The following CACNA1D variants were observed in gnomAD, a reference collection of about 807,000 sequenced individuals.
CACNA1D encodes the protein voltage-dependent L-type calcium channel subunit alpha-1D.
Under a neutral mutation model 257.1 loss-of-function variants are expected in CACNA1D, and 55 were observed. That is an observed-to-expected ratio of 0.21 (90% confidence interval 0.17 to 0.27). The LOEUF (loss-of-function observed/expected upper bound fraction) is 0.27. Ranked by LOEUF, CACNA1D falls within the 10% of genes least tolerant of loss-of-function variation. The pLI, the probability that CACNA1D is intolerant of heterozygous loss-of-function variation, is 1.00. For missense variants in CACNA1D, 1,876 were observed against 2,784.0 expected (o/e 0.67, Z 7.34); for synonymous variants, 980 against 1,014.9 (o/e 0.97, Z 0.65).
intron 11 of CACNA1D, among the ~76,000 whole-genome samples, chr3:53,720,764 C>A (rs1201306393): frequency 6.6e-6 from 1 of 152,138 alleles, no homozygotes; most frequent in African/African-American, 2.4e-5. Flanking sequence ...GACAAGGATG[C>A]TGATTGGTGG....
intron 3 of CACNA1D, among the ~76,000 whole-genome samples, chr3:53,505,214 C>T (rs35280126): frequency 0.34 from 50,198 of 147,280 alleles, 8,705 homozygotes; most frequent in Admixed American, 0.44. Flanking sequence ...GTTCATACCT[C>T]TCTCCTGCCT....
intron 10 of CACNA1D, 116 bp from the exon 11 acceptor site, chr3:53,719,639 G>C (rs1400371463): frequency 2.2e-6 from 2 of 923,944 alleles, no homozygotes; most frequent in Non-Finnish European, 3.6e-6. Context: ...GTGGTAACCA[G>C]GGGTGCTAAG....
chr3:53,510,310 G>A (rs55937644), intron 3 of CACNA1D, among the ~76,000 whole-genome samples: 3,820 of 152,144 alleles, frequency 0.025, 61 homozygotes, highest in Middle Eastern at 0.085. Context: ...TTTAAATTTC[G>A]TGCAAGTGGG....
intron 1 of CACNA1D, among the ~76,000 whole-genome samples, chr3:53,496,282 A>G (rs1357754062): frequency 6.6e-6 from 1 of 152,192 alleles, no homozygotes; most frequent in Non-Finnish European, 1.5e-5. Context: ...GGGGCTTCGC[A>G]TAGGGAGCCT....
chr3:53,538,156 T>G (rs1452791047), intron 3 of CACNA1D, among the ~76,000 whole-genome samples: 2 of 143,878 alleles, frequency 1.4e-5, no homozygotes, highest in African/African-American at 2.7e-5. Context: ...TTTTTTTTTT[T>G]TTTTTTTTTT....
chr3:53,644,427 CT>C (rs2093997647), intron 3 of CACNA1D, among the ~76,000 whole-genome samples: 1 of 152,198 alleles, frequency 6.6e-6, no homozygotes, highest in Non-Finnish European at 1.5e-5. Flanking sequence ...CTCTTTCTAG[CT>C]TTTGTATACT....
rs766761396 is a variant in CACNA1D, at chr3:53,811,208, C to T, written c.6288C>T (p.Ile2096=). 10 of 1,614,092 alleles carry T rather than the reference C, an allele frequency of 6.2e-6. No homozygotes were observed. The highest frequency in any genetic ancestry group is 4.4e-5 in the South Asian group (4 of 91,086). ...HEIADACDLT[I]DEMESAASTL... The stretch of plus-strand genomic sequence containing the variant: ...TCGCTGATGCCTGTGACCTCACCAT[C>T]GACGAGATGGAGAGTGCAGCCAGCA... Residue 2096 remains isoleucine (I), a synonymous_variant, in exon 48 of 48, where the codon ATC becomes ATT. Coordinates refer to ENST00000350061, the MANE Select transcript of CACNA1D (RefSeq NM_001128840.3). The surrounding 1 kb of genome is among the most constrained non-coding windows in gnomAD (Gnocchi z 4.2).
intron 3 of CACNA1D, among the ~76,000 whole-genome samples, chr3:53,565,360 A>G (rs958943080): frequency 3.3e-5 from 5 of 152,172 alleles, no homozygotes; most frequent in Non-Finnish European, 5.9e-5. Context: ...ACACACATGC[A>G]TACACACATT....
rs112541981 is a variant in CACNA1D, at chr3:53,570,921, A to G, written c.483+69201A>G. ...TGAGTCACACTGTGCCTCATGATGC[A>G]GTGTGCAGAACTGGTCCAGCCAGGG... On this transcript the variant is annotated intron_variant, in intron 3 of 47. Coordinates refer to ENST00000350061, the MANE Select transcript of CACNA1D (RefSeq NM_001128840.3). Among the ~76,000 whole-genome samples, 821 of 152,370 alleles carry G rather than the reference A, an allele frequency of 5.4e-3. 7 individuals are homozygous for G. Among genetic ancestry groups the G allele is most frequent in the African/African-American group, 0.019 (786 of 41,592 alleles).
chr3:53,670,273 C>T (rs2094309991), intron 7 of CACNA1D, among the ~76,000 whole-genome samples: 1 of 152,194 alleles, frequency 6.6e-6, no homozygotes, highest in African/African-American at 2.4e-5. Context: ...GAAGTGTTTT[C>T]AGCAGCTAGA....
At chr3:53,798,159 T>G (rs781648625) in intron 40 of CACNA1D, 2 of 152,232 alleles carry the variant, frequency 1.3e-5, no homozygotes, top group Non-Finnish European at 2.9e-5. Flanking sequence ...CTGTGCTGTG[T>G]AAGAGCTTTT....
chr3:53,788,389 A>G lies in CACNA1D; in HGVS notation c.4923+1437A>G, dbSNP rs186959960. On this transcript the variant is annotated intron_variant, in intron 40 of 47. Coordinates refer to ENST00000350061, the MANE Select transcript of CACNA1D (RefSeq NM_001128840.3). Reference sequence around the variant, plus strand: ...AATCACAGGCTCAGTCACACAGCCCATTGGCATCTCAGGTGGTAGGATTTG... The same window carrying G: ...AATCACAGGCTCAGTCACACAGCCCGTTGGCATCTCAGGTGGTAGGATTTG... 1.9e-3 allele frequency among the ~76,000 whole-genome samples: 294 copies of G among 152,346 alleles called. 2 individuals carry two copies. Among genetic ancestry groups the G allele is most frequent in the Non-Finnish European group, 2.4e-4 (16 of 68,028 alleles).
intron 8 of CACNA1D, among the ~76,000 whole-genome samples, chr3:53,674,393 T>C (rs1576312109): frequency 6.6e-6 from 1 of 152,362 alleles, no homozygotes; most frequent in East Asian, 1.9e-4. Context: ...TGATTCAGTT[T>C]TAACCGAAAC....
chr3:53,738,334 C>G (rs1280459639), intron 20 of CACNA1D, among the ~76,000 whole-genome samples: 2 of 152,140 alleles, frequency 1.3e-5, no homozygotes, highest in East Asian at 3.9e-4. Flanking sequence ...AGTGCTTTCC[C>G]CATGGTGCGT....
At chr3:53,794,210 C>T (rs952658699) in intron 40 of CACNA1D, among the ~76,000 whole-genome samples, 2 of 152,156 alleles carry the variant, frequency 1.3e-5, no homozygotes, top group South Asian at 2.1e-4. Context: ...TGGTAATTAT[C>T]GTGGCTTGTT....
chr3:53,565,435 A>G (rs1478985326), intron 3 of CACNA1D, among the ~76,000 whole-genome samples: 1 of 152,210 alleles, frequency 6.6e-6, no homozygotes, highest in African/African-American at 2.4e-5. Flanking sequence ...TTTAGCAGAT[A>G]TAATTTCATT....
chr3:53,810,271 G>T lies in CACNA1D; in HGVS notation c.6165G>T (p.Gln2055His), dbSNP rs1465966467. 1.9e-6 allele frequency: 3 copies of T among 1,613,694 alleles called. No homozygotes were observed. The Admixed American group carries it at 5.0e-5, about 27-fold the overall frequency. Residue 2055 changes from glutamine to histidine, a missense_variant, in exon 47 of 48, where the codon CAG (glutamine) becomes CAT (histidine). This residue lies in a region of CACNA1D where 491 missense variants were observed against 554.3 expected (regional missense o/e 0.89). Coordinates refer to ENST00000350061, the MANE Select transcript of CACNA1D (RefSeq NM_001128840.3). The part of the protein sequence containing the change: ...SSFRNKNSDK[Q>H]RSADSLVEAV... Reference sequence around the variant, plus strand: ...TCCGGAACAAAAACAGCGACAAGCAGAGGAGTGCGGACAGCTTGGTGGAGG... The same window carrying T: ...TCCGGAACAAAAACAGCGACAAGCATAGGAGTGCGGACAGCTTGGTGGAGG...
rs1576672435 is a variant in CACNA1D, at chr3:53,789,289, G to A, written c.4923+2337G>A. ...AGAATGCAGCCTGGAAAATTAAGTT[G>A]TGTTCATAATCTTAATAGAGAAACT... is the stretch of plus-strand genomic sequence containing the variant. On this transcript the variant is annotated intron_variant, in intron 40 of 47. Coordinates refer to ENST00000350061, the MANE Select transcript of CACNA1D (RefSeq NM_001128840.3). The surrounding 1 kb of genome is among the most constrained non-coding windows in gnomAD (Gnocchi z 4.2). 6.6e-6 allele frequency among the ~76,000 whole-genome samples: 1 copy of A among 152,194 alleles called. No individual in the cohort carries two copies. The highest frequency in any genetic ancestry group is 6.5e-5 in the Admixed American group (1 of 15,284).
At position 53,713,502 on chromosome 3, in the gene CACNA1D, ATGTG is replaced by A. The variant is rs35655186; in HGVS notation, c.1391-4760_1391-4757del. Among the ~76,000 whole-genome samples the A allele has an allele frequency of 7.2e-3, 937 of 129,372 alleles. 11 individuals carry two copies. The highest frequency in any genetic ancestry group is 0.015 in the Middle Eastern group (4 of 272). The allele number at this position is 129,372 out of a possible 152,430, so 84.9% of individuals were successfully genotyped here. A position where few individuals can be genotyped will look rare whatever the true frequency, so the allele number is the denominator to read the frequency against. ...ACATAGACTCATTTGCTCTGTGTGT[ATGTG>A]TGTGTGTGTGTGTGTGTGTGTGTGT... On this transcript the variant is annotated intron_variant, in intron 9 of 47. Coordinates refer to ENST00000350061, the MANE Select transcript of CACNA1D (RefSeq NM_001128840.3).
Sources: allele counts gnomAD v4.1 joint callset (sites outside exome capture counted in the v4.1 genomes callset), GRCh38; gene constraint gnomAD v4.1.1; regional missense constraint gnomAD v4.1.1; non-coding constraint Gnocchi (gnomAD v3.1); transcripts MANE v1.5; gene names NCBI Gene and HGNC (gene_info 2026-07-23, HGNC 2026-07-21).